Variants in DEFB113 observed in about 807,000 individuals in gnomAD.
DEFB113 encodes the protein beta-defensin 113.
In DEFB113, 5 loss-of-function variants were observed where a neutral mutation model predicts 2.5. The ratio of observed to expected loss-of-function variants is 1.99; its 90% CI spans 1.04 to 4.18. The LOEUF (loss-of-function observed/expected upper bound fraction) is 4.18, where lower values mean the gene tolerates loss of function less well. DEFB113 is among the 30% of genes most tolerant of loss of function. The pLI is 0.00. For synonymous variants in DEFB113, 42 were observed against 31.6 expected (o/e 1.33, Z -1.11); for missense variants, 123 against 96.6 (o/e 1.27, Z -1.14).
rs1156397561 is a variant in DEFB113 at position 49,969,319 on chromosome 6, T to C, written c.58+249A>G. Among the ~76,000 whole-genome samples the C allele has an allele frequency of 5.3e-5, 8 of 151,076 alleles. No homozygotes were observed. The Admixed American group carries it at 5.3e-4, about 10-fold the overall frequency. On this transcript the variant is annotated intron_variant, in intron 1 of 1. Transcript: ENST00000398718. Reference sequence around the variant, plus strand: ...AAGGCAGTGGGAAGTATCTAAAAAATTATAGTGTCATCACACAAAACAACA... The same window carrying C: ...AAGGCAGTGGGAAGTATCTAAAAAACTATAGTGTCATCACACAAAACAACA...
intron 1 of DEFB113, 56 bp downstream of exon 1, chr6:49,969,512 A>C: frequency 8.1e-7 from 1 of 1,230,942 alleles, no homozygotes; most frequent in Non-Finnish European, 1.2e-6. Context: ...TTTCAGAGTA[A>C]AGCATTTATA....
intron 1 of DEFB113, among the ~76,000 whole-genome samples, 200 bp from the exon 2 acceptor site, chr6:49,969,067 A>G (rs547632018): frequency 1.8e-4 from 27 of 151,284 alleles, no homozygotes; most frequent in South Asian, 1.0e-3. Flanking sequence ...AGCTTTTTAA[A>G]TTATCATTTA....
At chr6:49,969,423 C>G (rs1773597255) in intron 1 of DEFB113, 145 bp downstream of exon 1, 1 of 525,668 alleles carries the variant, frequency 1.9e-6, no homozygotes. Flanking sequence ...CATTTCTTCC[C>G]CCATGAAAAA....
rs1346342338 is a variant in DEFB113 at position 49,968,886 on chromosome 6, GA to G, written c.59-20del. The G allele has an allele frequency of 6.3e-7, 1 of 1,590,160 alleles. No homozygotes were observed. Among genetic ancestry groups the G allele is most frequent in the African/African-American group, 1.4e-5 (1 of 73,148 alleles). The stretch of plus-strand genomic sequence containing the variant: ...TGTGGAACTAGGAAAAAGTAGCTAT[GA>G]CCATAAGTCCAGATTTAATATCCTT... On this transcript the variant is annotated intron_variant, in intron 1 of 1. Transcript: ENST00000398718.
In DEFB113 at chr6:49,969,600, G is replaced by T. The variant is rs376389712; in HGVS notation, c.26C>A (p.Thr9Asn). The T allele has an allele frequency of 2.5e-6, 4 of 1,606,556 alleles. No individual in the cohort carries two copies. Among genetic ancestry groups the T allele is most frequent in the South Asian group, 2.2e-5 (2 of 90,606 alleles). Residue 9 changes from threonine to asparagine, a missense_variant, in exon 1 of 2, where the codon ACC (threonine) becomes AAC (asparagine). Coordinates refer to ENST00000398718, the MANE Select transcript of DEFB113 (RefSeq NM_001037729.1). ...ACCACAAGACACAGTGAAGACAAAG[G>T]TCAGAAAAATACAAAGTATCTTCAT... MKILCIFL[T>N]FVFTVSCGPS...
In DEFB113 at chr6:49,969,567, C is replaced by T; in HGVS notation, c.58+1G>A. On this transcript the variant is annotated splice_donor_variant, in intron 1 of 1. Transcript: ENST00000398718. LOFTEE classifies it high-confidence loss of function. ...ATCTTTTTTATAATAACAAATATTA[C>T]CTGATGGACCACAAGACACAGTGAA... 2.5e-6 allele frequency: 4 copies of T among 1,595,950 alleles called. No homozygotes were observed. The highest frequency in any genetic ancestry group is 3.4e-6 in the Non-Finnish European group (4 of 1,167,170).
intron 1 of DEFB113, 73 bp downstream of exon 1, chr6:49,969,495 T>G: frequency 9.0e-7 from 1 of 1,107,976 alleles, no homozygotes; most frequent in South Asian, 1.5e-5. Flanking sequence ...TTATTTGTTT[T>G]TATTATTTTC....
Position 49,968,817 on chromosome 6 carries a change from G to A in DEFB113, c.109C>T (p.Leu37Phe), listed in dbSNP as rs1394553284. Residue 37 changes from leucine to phenylalanine, a missense_variant, in exon 2 of 2, where the codon CTT becomes TTT. Coordinates refer to ENST00000398718, the MANE Select transcript of DEFB113 (RefSeq NM_001037729.1). ...TCCGGCTTGCAAGCACCACGAACAA[G>A]CTGACATTCTCTTTTTCTCTCTGCA... ...EVAERKRECQ[L>F]VRGACKPECN... is the part of the protein sequence containing the mutation. 3.1e-6 allele frequency: 5 copies of A among 1,602,080 alleles called. No individual in the cohort carries two copies. The highest frequency in any genetic ancestry group is 1.4e-5 in the African/African-American group (1 of 73,984).
In DEFB113 at chr6:49,968,852, GT is replaced by G. The variant is rs758917875; in HGVS notation, c.73del (p.Thr25GlnfsTer?). On this transcript the variant is annotated frameshift_variant, in exon 2 of 2. Coordinates refer to ENST00000398718, the MANE Select transcript of DEFB113 (RefSeq NM_001037729.1). LOFTEE classifies it low-confidence loss of function (END_TRUNC). ...TCTTTTTCTCTCTGCAACTTCTCTT[GT>G]TTTTTTCTGTGGAACTAGGAAAAAG... is the stretch of plus-strand genomic sequence containing the variant. ...SCGPSVPQKK[T>X]REVAERKREC... 2.5e-6 allele frequency: 4 copies of G among 1,597,256 alleles called. No individual in the cohort carries two copies. The highest frequency in any genetic ancestry group is 1.7e-5 in the Admixed American group (1 of 57,440).
chr6:49,968,770 T>C lies in DEFB113; in HGVS notation c.156A>G (p.Val52=). 1 of 1,602,102 alleles carries C rather than the reference T, an allele frequency of 6.2e-7. No homozygotes were observed. Among genetic ancestry groups the C allele is most frequent in the Non-Finnish European group, 8.5e-7 (1 of 1,173,942 alleles). ...CKPECNSWEY[V]YYYCNVNPCC... is the part of the protein sequence containing the mutation. Reference sequence around the variant, plus strand: ...AGGGGTTAACATTGCAGTAATAATATACATATTCCCAGCTGTTGCATTCCG... The same window carrying C: ...AGGGGTTAACATTGCAGTAATAATACACATATTCCCAGCTGTTGCATTCCG... Residue 52 remains valine, a synonymous_variant, in exon 2 of 2, where the codon GTA becomes GTG. Transcript: ENST00000398718.
chr6:49,969,165 C>T (rs911084473), intron 1 of DEFB113, among the ~76,000 whole-genome samples: 3 of 151,184 alleles, frequency 2.0e-5, no homozygotes, highest in Non-Finnish European at 4.5e-5. Flanking sequence ...CCTACATGTT[C>T]TGTGTTCTAA....
chr6:49,969,471 C>T (rs1421242634), intron 1 of DEFB113, 97 bp downstream of exon 1: 2 of 894,312 alleles, frequency 2.2e-6, no homozygotes, highest in South Asian at 3.8e-5. Context: ...CATATGAAAT[C>T]TCCTAACAAT....
chr6:49,968,706 T>C lies in DEFB113; in HGVS notation c.220A>G (p.Lys74Glu). 6.6e-7 allele frequency: 1 copy of C among 1,508,098 alleles called. No homozygotes were observed. Among genetic ancestry groups the C allele is most frequent in the South Asian group, 1.3e-5 (1 of 75,994 alleles). The allele number at this position is 1,508,098 out of a possible 1,614,324, so 93.4% of individuals were successfully genotyped here. The stretch of plus-strand genomic sequence containing the variant: ...TTTTGATGGAGTTTACTAGTGATTT[T>C]GTTAATGATTGGCTTTTGGTATTCC... ...VWEYQKPIINKITSKLHQK is the reference protein window; with the variant it reads ...VWEYQKPIINEITSKLHQK Residue 74 changes from lysine (K) to glutamate (E), a missense_variant, in exon 2 of 2, where the codon AAA (lysine) becomes GAA (glutamate). Physicochemically the swap from Lys to Glu is moderately conservative, Grantham distance 56. Transcript: ENST00000398718.
Position 49,968,730 on chromosome 6 carries a change from C to G in DEFB113, c.196G>C (p.Glu66Gln). The change falls in exon 2 of 2, where the codon GAA becomes CAA. Residue 66 changes from glutamate (E) to glutamine (Q), a missense_variant. Glu to Gln is a conservative substitution (Grantham distance 29). Coordinates refer to ENST00000398718, the MANE Select transcript of DEFB113 (RefSeq NM_001037729.1). ...TTGTTAATGATTGGCTTTTGGTATT[C>G]CCATACCGCACAGCAGGGGTTAACA... ...CNVNPCCAVW[E>Q]YQKPIINKIT... The G allele has an allele frequency of 6.4e-7, 1 of 1,551,014 alleles. No individual in the cohort carries two copies. Among genetic ancestry groups the G allele is most frequent in the Non-Finnish European group, 8.7e-7 (1 of 1,146,218 alleles).
Position 49,968,722 on chromosome 6 carries a change from T to C in DEFB113, c.204A>G (p.Gln68=). 6.5e-7 allele frequency: 1 copy of C among 1,531,918 alleles called. No homozygotes were observed. Among genetic ancestry groups the C allele is most frequent in the Non-Finnish European group, 8.8e-7 (1 of 1,135,542 alleles). 94.9% of individuals were successfully genotyped at this position (1,531,918 alleles called of 1,614,324 possible). ...TAGTGATTTTGTTAATGATTGGCTT[T>C]TGGTATTCCCATACCGCACAGCAGG... is the stretch of plus-strand genomic sequence containing the variant. The part of the protein sequence containing the change: ...VNPCCAVWEY[Q]KPIINKITSK... The change falls in exon 2 of 2, where the codon CAA becomes CAG. Residue 68 remains glutamine, a synonymous_variant. Transcript: ENST00000398718.
In DEFB113 at chr6:49,968,744, C is replaced by G; in HGVS notation, c.182G>C (p.Cys61Ser). 1 of 1,583,122 alleles carries G rather than the reference C, an allele frequency of 6.3e-7. No homozygotes were observed. The highest frequency in any genetic ancestry group is 8.6e-7 in the Non-Finnish European group (1 of 1,163,778). ...YVYYYCNVNP[C>S]CAVWEYQKPI... ...CTTTTGGTATTCCCATACCGCACAG[C>G]AGGGGTTAACATTGCAGTAATAATA... The change falls in exon 2 of 2, where the codon TGC becomes TCC. Residue 61 changes from cysteine (C) to serine (S), a missense_variant. Coordinates refer to ENST00000398718, the MANE Select transcript of DEFB113 (RefSeq NM_001037729.1).
intron 1 of DEFB113, 128 bp from the exon 2 acceptor site, chr6:49,968,995 A>G: frequency 1.2e-6 from 1 of 833,744 alleles, no homozygotes. Flanking sequence ...CTCTATTGAA[A>G]TTTTTCCCTC....
At chr6:49,969,014 G>A in intron 1 of DEFB113, 147 bp from the exon 2 acceptor site, 1 of 610,922 alleles carries the variant, frequency 1.6e-6, no homozygotes, top group Non-Finnish European at 2.6e-6. Flanking sequence ...TCTCTCAGCT[G>A]GTATAATATA....
rs769243144 is a variant in DEFB113, at chr6:49,968,835, T to C, written c.91A>G (p.Arg31Gly). The C allele has an allele frequency of 1.9e-6, 3 of 1,600,988 alleles. No homozygotes were observed. The highest frequency in any genetic ancestry group is 2.6e-6 in the Non-Finnish European group (3 of 1,174,016). ...CGAACAAGCTGACATTCTCTTTTTCTCTCTGCAACTTCTCTTGTTTTTTTC... is the reference window on the plus strand; with the variant it reads ...CGAACAAGCTGACATTCTCTTTTTCCCTCTGCAACTTCTCTTGTTTTTTTC... ...PQKKTREVAE[R>G]KRECQLVRGA... The change falls in exon 2 of 2, where the codon AGA (arginine) becomes GGA (glycine). Residue 31 changes from arginine to glycine, a missense_variant. Coordinates refer to ENST00000398718, the MANE Select transcript of DEFB113 (RefSeq NM_001037729.1).
Sources: gnomAD v4.1 joint callset for allele counts (sites outside exome capture counted in the v4.1 genomes callset) on GRCh38, gnomAD v4.1.1 for gene constraint, MANE v1.5 for transcripts, NCBI Gene and HGNC (gene_info 2026-07-23, HGNC 2026-07-21) for gene names.